CD47: variants seen among roughly 807,000 people sequenced by gnomAD.
The protein encoded by CD47 is CD47 molecule.
Under a neutral mutation model 44.6 loss-of-function variants are expected in CD47, and 11 were observed. That is an observed-to-expected ratio of 0.25 (90% CI 0.16 to 0.41). The LOEUF is 0.41. Ranked by LOEUF, CD47 falls within the 10% of genes least tolerant of loss-of-function variation. The pLI is 1.00. For missense variants in CD47, 306 were observed against 386.7 expected, an observed-to-expected ratio of 0.79 and a Z score of 1.75; for synonymous variants, 140 against 136.3, an observed-to-expected ratio of 1.03 and a Z score of -0.19.
At chr3:108,049,118 C>A (rs2078776948) in intron 10 of CD47, among the ~76,000 whole-genome samples, 1 of 148,752 alleles carries the variant, frequency 6.7e-6, no homozygotes, top group Non-Finnish European at 1.5e-5. Context: ...CTCTCTCTCT[C>A]TCTCTCTCTC....
chr3:108,079,852 C>T (rs2079382851), intron 2 of CD47, 139 bp downstream of exon 2: 3 of 585,294 alleles, frequency 5.1e-6, no homozygotes, highest in Non-Finnish European at 6.1e-6. Context: ...CTTAAACTTG[C>T]TAAACATTAC....
At chr3:108,089,884 T>C (rs1226242214) in intron 1 of CD47, among the ~76,000 whole-genome samples, 1 of 151,962 alleles carries the variant, frequency 6.6e-6, no homozygotes, top group East Asian at 1.9e-4. Flanking sequence ...AAAGGCTCTA[T>C]GGATGTGAAG....
At chr3:108,060,590 T>C (rs956765310) in intron 4 of CD47, among the ~76,000 whole-genome samples, 155 bp downstream of exon 4, 1 of 152,214 alleles carries the variant, frequency 6.6e-6, no homozygotes, top group Non-Finnish European at 1.5e-5. Context: ...ATTTCAGACT[T>C]ATGGCCTCCA....
At chr3:108,057,620 C>A in intron 6 of CD47, 51 bp from the exon 7 acceptor site, 1 of 920,986 alleles carries the variant, frequency 1.1e-6, no homozygotes, top group Admixed American at 2.0e-5. Flanking sequence ...AAATAACTTA[C>A]TAAAAAACAG....
chr3:108,051,755 A>G, intron 8 of CD47, 184 bp downstream of exon 8: 1 of 682,908 alleles, frequency 1.5e-6, no homozygotes. Flanking sequence ...CATTGACACT[A>G]AAATGACCAA....
chr3:108,064,486 C>A (rs879869805), intron 3 of CD47, among the ~76,000 whole-genome samples: 1 of 152,144 alleles, frequency 6.6e-6, no homozygotes, highest in African/African-American at 2.4e-5. Flanking sequence ...GACCAATAGA[C>A]AGCACATACA....
chr3:108,063,421 C>T (rs1301375736), intron 3 of CD47, among the ~76,000 whole-genome samples: 1 of 152,124 alleles, frequency 6.6e-6, no homozygotes, highest in Non-Finnish European at 1.5e-5. Context: ...ATTTTCTTTG[C>T]TCACATGGTC....
At chr3:108,078,827 GA>G (rs1266475662) in intron 2 of CD47, among the ~76,000 whole-genome samples, 1 of 151,896 alleles carries the variant, frequency 6.6e-6, no homozygotes, top group Non-Finnish European at 1.5e-5. Flanking sequence ...AACATCCCAG[GA>G]AAACAACTAA....
chr3:108,064,018 C>T (rs1291264826), intron 3 of CD47, among the ~76,000 whole-genome samples: 1 of 152,160 alleles, frequency 6.6e-6, no homozygotes, highest in Admixed American at 6.5e-5. Flanking sequence ...CAAAAGCAGG[C>T]TACTTCTAAG....
At chr3:108,048,415 T>C (rs965877343) in intron 10 of CD47, among the ~76,000 whole-genome samples, 2 of 139,072 alleles carry the variant, frequency 1.4e-5, no homozygotes, top group African/African-American at 2.7e-5. Flanking sequence ...GACGGAGTCT[T>C]GCTCTGTCAC....
Position 108,047,009 on chromosome 3 carries a change from C to T in CD47, c.*279G>A. On this transcript the variant is annotated 3_prime_UTR_variant, in exon 11 of 11. Transcript: ENST00000361309. ...GAAAGGCATCATTCTTGGAAATTGT[C>T]CATTCTACTATTGCCCCTAATTGAT... is the stretch of plus-strand genomic sequence containing the variant. The T allele has an allele frequency of 2.8e-6, 1 of 363,562 alleles. No homozygotes were observed. The highest frequency in any genetic ancestry group is 4.9e-6 in the Non-Finnish European group (1 of 203,690). The allele number at this position is 363,562 out of a possible 1,614,324, so 22.5% of individuals were successfully genotyped here.
chr3:108,090,970 G>A lies in CD47; in HGVS notation c.-62C>T, dbSNP rs1037945122. 212 of 1,271,430 alleles carry A rather than the reference G, an allele frequency of 1.7e-4. 1 individual carries two copies. The highest frequency in any genetic ancestry group is 2.1e-4 in the Non-Finnish European group (203 of 957,688). The allele number at this position is 1,271,430 out of a possible 1,614,324, so 78.8% of individuals were successfully genotyped here. A position where few individuals can be genotyped will look rare whatever the true frequency, so the allele number is the denominator to read the frequency against. On this transcript the variant is annotated 5_prime_UTR_variant, in exon 1 of 11. Coordinates refer to ENST00000361309, the MANE Select transcript of CD47 (RefSeq NM_001777.4). Reference sequence around the variant, plus strand: ...GGTGTCCGGAGCAGCAGCCGCCGCCGCCGTTACAGGCAGGACCGACCGCCG... The same window carrying A: ...GGTGTCCGGAGCAGCAGCCGCCGCCACCGTTACAGGCAGGACCGACCGCCG...
Position 108,065,636 on chromosome 3 carries a change from C to A in CD47, c.491-4784G>T, listed in dbSNP as rs376114077. Among the ~76,000 whole-genome samples, 203 of 151,604 alleles carry A rather than the reference C, an allele frequency of 1.3e-3. 1 individual carries two copies. Among genetic ancestry groups the A allele is most frequent in the African/African-American group, 4.6e-3 (192 of 41,332 alleles). The stretch of plus-strand genomic sequence containing the variant: ...GACCAGCCTGGCCAATATGGTGAAA[C>A]CCCATCACTACTAAAAATACAAAAA... On this transcript the variant is annotated intron_variant, in intron 3 of 10. Transcript: ENST00000361309.
At chr3:108,047,402 A>G (rs2078737676) in intron 10 of CD47, 110 bp from the exon 11 acceptor site, 1 of 678,110 alleles carries the variant, frequency 1.5e-6, no homozygotes, top group Non-Finnish European at 2.4e-6. Flanking sequence ...AAAAATTAAG[A>G]AAATAGACCT....
chr3:108,044,396 T>TA lies in CD47; in HGVS notation c.*2891dup, dbSNP rs2078679419. 1.1e-5 allele frequency: 1 copy of TA among 94,030 alleles called. No homozygotes were observed. 5.8% of individuals were successfully genotyped at this position (94,030 alleles called of 1,614,324 possible). A position where few individuals can be genotyped will look rare whatever the true frequency, so the allele number is the denominator to read the frequency against. On this transcript the variant is annotated 3_prime_UTR_variant, in exon 11 of 11. Transcript: ENST00000361309. ...AAAAATAATCACCTTTGAAGGTTTT[T>TA]AGAGCATGTGAAATTAGTCAAAAAA...
intron 1 of CD47, among the ~76,000 whole-genome samples, chr3:108,090,242 TA>T (rs1378887355): frequency 5.3e-5 from 8 of 151,400 alleles, no homozygotes; most frequent in African/African-American, 1.9e-4. Context: ...TTTTTAGGAT[TA>T]AAAACGACAG....
intron 1 of CD47, among the ~76,000 whole-genome samples, chr3:108,082,555 C>T (rs1177171149): frequency 6.6e-6 from 1 of 151,836 alleles, no homozygotes; most frequent in African/African-American, 2.4e-5. Flanking sequence ...AAATCTTTGA[C>T]ACATGTTCAT....
intron 2 of CD47, among the ~76,000 whole-genome samples, chr3:108,073,662 G>A (rs947080012): frequency 6.6e-6 from 1 of 152,236 alleles, no homozygotes; most frequent in Admixed American, 6.5e-5. Context: ...AGTCTTAAAA[G>A]CTTGTTGGGA....
At chr3:108,080,372 T>C (rs2079393947) in intron 1 of CD47, 28 bp from the exon 2 acceptor site, 1 of 1,220,108 alleles carries the variant, frequency 8.2e-7, no homozygotes, top group Admixed American at 2.0e-5. Context: ...AAATGTTTCA[T>C]TAATTATAGA....
Sources: allele counts gnomAD v4.1 joint callset (sites outside exome capture counted in the v4.1 genomes callset), GRCh38; gene constraint gnomAD v4.1.1; transcripts MANE v1.5; gene names NCBI Gene and HGNC (gene_info 2026-07-23, HGNC 2026-07-21).